The following XPNPEP3 variants were observed in gnomAD, a reference collection of about 807,000 sequenced individuals.
XPNPEP3 encodes the protein xaa-Pro aminopeptidase 3.
A neutral mutation model predicts 60.0 loss-of-function variants in XPNPEP3; 41 were observed. The ratio of observed to expected loss-of-function variants is 0.68; its 90% confidence interval spans 0.53 to 0.89. XPNPEP3 has a LOEUF of 0.89. Among genes scored for constraint, XPNPEP3 ranks in the 40% least tolerant of loss-of-function variants. The probability of loss-of-function intolerance (pLI) is 0.00; values close to 1 mark genes in which losing one functional copy is unlikely to be tolerated. For missense variants in XPNPEP3, 598 were observed against 638.9 expected (o/e 0.94, Z 0.69); for synonymous variants, 212 against 223.2 (o/e 0.95, Z 0.45).
At chr22:40,919,511 C>T (rs1310434608) in intron 7 of XPNPEP3, among the ~76,000 whole-genome samples, 2 of 152,096 alleles carry the variant, frequency 1.3e-5, no homozygotes, top group Admixed American at 6.6e-5. Context: ...ATTATAGGCA[C>T]GTGCCACCAT....
chr22:40,926,553 A>G lies in XPNPEP3; in HGVS notation c.*118A>G. ...TAATATATGCATTCCATTTGGGAGC[A>G]TAGCAGCTGTGTGAATGTATGTAAT... On this transcript the variant is annotated 3_prime_UTR_variant, in exon 10 of 10. Transcript: ENST00000357137. 7.8e-7 allele frequency: 1 copy of G among 1,279,142 alleles called. No individual in the cohort carries two copies. The highest frequency in any genetic ancestry group is 1.2e-5 in the South Asian group (1 of 83,534). 79.2% of individuals were successfully genotyped at this position (1,279,142 alleles called of 1,614,324 possible).
At chr22:40,921,147 C>T (rs2058215147) in intron 7 of XPNPEP3, among the ~76,000 whole-genome samples, 1 of 150,758 alleles carries the variant, frequency 6.6e-6, no homozygotes, top group Admixed American at 6.6e-5. Context: ...AAGCTTTCTG[C>T]CTAACTTGGA....
At chr22:40,920,948 A>G (rs2058214206) in intron 7 of XPNPEP3, among the ~76,000 whole-genome samples, 1 of 152,140 alleles carries the variant, frequency 6.6e-6, no homozygotes, top group Non-Finnish European at 1.5e-5. Flanking sequence ...ATGCACCACC[A>G]TGCCCAGCTG....
Position 40,869,066 on chromosome 22 carries a change from A to C in XPNPEP3, c.132A>C (p.Arg44=). The stretch of plus-strand genomic sequence containing the variant: ...TCCCAGAAAGGAGGATTCCAAACCG[A>C]TACTTAGGCCAGCCCAGCCCCTTTA... ...QPVPERRIPN[R]YLGQPSPFTH... is the part of the protein sequence containing the mutation. The change falls in exon 2 of 10, where the codon CGA becomes CGC. Residue 44 remains arginine (R), a synonymous_variant. Transcript: ENST00000357137. 1 of 1,614,108 alleles carries C rather than the reference A, an allele frequency of 6.2e-7. No individual in the cohort carries two copies.
At chr22:40,883,919 T>C (rs944927114) in intron 3 of XPNPEP3, among the ~76,000 whole-genome samples, 5 of 152,200 alleles carry the variant, frequency 3.3e-5, no homozygotes, top group Non-Finnish European at 7.3e-5. Context: ...TGTATAATTA[T>C]AAAGTTTTTG....
chr22:40,860,711 G>A lies in XPNPEP3; in HGVS notation c.64+3466G>A, dbSNP rs1026961875. 3.0e-6 allele frequency: 3 copies of A among 1,016,216 alleles called. No homozygotes were observed. In the African/African-American group the frequency reaches 4.9e-5, roughly 17 times the overall value. 62.9% of individuals were successfully genotyped at this position (1,016,216 alleles called of 1,614,324 possible). A position where few individuals can be genotyped will look rare whatever the true frequency, so the allele number is the denominator to read the frequency against. On this transcript the variant is annotated intron_variant, in intron 1 of 9. Coordinates refer to ENST00000357137, the MANE Select transcript of XPNPEP3 (RefSeq NM_022098.4). ...TTTGTCACCCAAGCTGGAGTGCAGT[G>A]GCGTGATCCCATTACACTGCAACCT...
intron 4 of XPNPEP3, among the ~76,000 whole-genome samples, chr22:40,906,249 A>G (rs1235214446): frequency 6.6e-6 from 1 of 151,918 alleles, no homozygotes; most frequent in African/African-American, 2.4e-5. Context: ...TGAAAACATT[A>G]AAAATTATGA....
chr22:40,860,703 A>T, intron 1 of XPNPEP3: 1 of 1,077,958 alleles, frequency 9.3e-7, no homozygotes, highest in Non-Finnish European at 1.3e-6. Context: ...CCCAAGCTGG[A>T]GTGCAGTGGC....
At chr22:40,908,468 T>C (rs2058164752) in intron 5 of XPNPEP3, among the ~76,000 whole-genome samples, 2 of 151,784 alleles carry the variant, frequency 1.3e-5, no homozygotes, top group African/African-American at 4.8e-5. Context: ...TAGTGAACTA[T>C]GATTGCCCCA....
Position 40,928,199 on chromosome 22 carries a change from TTC to T in XPNPEP3, c.*1766_*1767del, listed in dbSNP as rs886057523. The T allele has an allele frequency of 2.2e-5, 3 of 134,146 alleles. No individual in the cohort carries two copies. Among genetic ancestry groups the T allele is most frequent in the Non-Finnish European group, 3.3e-5 (2 of 60,432 alleles). 8.3% of individuals were successfully genotyped at this position (134,146 alleles called of 1,614,324 possible). ...GGAGTGCAGTGGTAAAGAGTCATAC[TTC>T]TTTTTTTTTTTTTTTTTTGGAGACA... On this transcript the variant is annotated 3_prime_UTR_variant, in exon 10 of 10. Coordinates refer to ENST00000357137, the MANE Select transcript of XPNPEP3 (RefSeq NM_022098.4).
intron 4 of XPNPEP3, among the ~76,000 whole-genome samples, chr22:40,904,234 CAT>C (rs1413941685): frequency 6.6e-6 from 1 of 152,130 alleles, no homozygotes; most frequent in East Asian, 1.9e-4. Context: ...AACTGCATAT[CAT>C]GTGTACCTGG....
At chr22:40,874,576 C>T (rs1175699998) in intron 2 of XPNPEP3, among the ~76,000 whole-genome samples, 1 of 152,040 alleles carries the variant, frequency 6.6e-6, no homozygotes, top group Non-Finnish European at 1.5e-5. Flanking sequence ...CAGGCATGCA[C>T]CATCATGCCC....
chr22:40,882,248 A>C, intron 3 of XPNPEP3, 71 bp downstream of exon 3: 1 of 1,558,504 alleles, frequency 6.4e-7, no homozygotes, highest in East Asian at 2.2e-5. Flanking sequence ...TGTTTAGACA[A>C]GTCCTTAATT....
intron 1 of XPNPEP3, 100 bp downstream of exon 1, chr22:40,857,345 G>C: frequency 7.5e-7 from 1 of 1,331,616 alleles, no homozygotes; most frequent in Non-Finnish European, 1.1e-6. Context: ...CTCCTGGTGG[G>C]GCCTCCGCTC....
intron 7 of XPNPEP3, 21 bp downstream of exon 7, chr22:40,914,345 C>T (rs369029835): frequency 6.5e-5 from 103 of 1,591,404 alleles, no homozygotes; most frequent in Non-Finnish European, 8.3e-5. Flanking sequence ...TACAGAGTAA[C>T]GTATCCCACT....
chr22:40,908,805 T>A (rs1382125699), intron 5 of XPNPEP3, among the ~76,000 whole-genome samples: 2 of 152,236 alleles, frequency 1.3e-5, no homozygotes, highest in African/African-American at 4.8e-5. Flanking sequence ...CATAGTTTTC[T>A]ATCTTCTAGA....
Position 40,909,248 on chromosome 22 carries a change from C to T in XPNPEP3, c.969+13C>T, listed in dbSNP as rs868674949. 2 of 1,601,446 alleles carry T rather than the reference C, an allele frequency of 1.2e-6. No individual in the cohort carries two copies. The highest frequency in any genetic ancestry group is 1.7e-5 in the Admixed American group (1 of 60,000). On this transcript the variant is annotated intron_variant, in intron 6 of 9. Coordinates refer to ENST00000357137, the MANE Select transcript of XPNPEP3 (RefSeq NM_022098.4). ...TCAACTCATCAAGGTACGTGAGATG[C>T]CCTCAGTGCTACTCCCACTAGGTCC...
rs1414354190 is a variant in XPNPEP3 at position 40,927,073 on chromosome 22, T to C, written c.*638T>C. ...ACTAGCTACCTACCAAACAAAACAC[T>C]TCTGAGCTTTTCTTGCCATTTGGTT... On this transcript the variant is annotated 3_prime_UTR_variant, in exon 10 of 10. Coordinates refer to ENST00000357137, the MANE Select transcript of XPNPEP3 (RefSeq NM_022098.4). 6.5e-6 allele frequency: 1 copy of C among 154,042 alleles called. No individual in the cohort carries two copies. Among genetic ancestry groups the C allele is most frequent in the Non-Finnish European group, 1.4e-5 (1 of 69,306 alleles). 9.5% of individuals were successfully genotyped at this position (154,042 alleles called of 1,614,324 possible). A position where few individuals can be genotyped will look rare whatever the true frequency, so the allele number is the denominator to read the frequency against.
intron 2 of XPNPEP3, among the ~76,000 whole-genome samples, chr22:40,880,020 C>CT (rs1355985139): frequency 2.2e-5 from 3 of 133,516 alleles, no homozygotes; most frequent in Admixed American, 1.6e-4. Context: ...GAGCAGGACT[C>CT]TGTCTCCCAA....
Sources: allele counts gnomAD v4.1 joint callset (sites outside exome capture counted in the v4.1 genomes callset), GRCh38; gene constraint gnomAD v4.1.1; transcripts MANE v1.5; gene names NCBI Gene and HGNC (gene_info 2026-07-23, HGNC 2026-07-21).